Variants in SAMD4A observed in about 807,000 individuals in gnomAD.
SAMD4A encodes the protein sterile alpha motif domain containing 4A.
Under a neutral mutation model 81.3 loss-of-function variants are expected in SAMD4A, and 33 were observed. The observed-to-expected ratio is 0.41, with a 90% confidence interval of 0.31 to 0.54. The LOEUF (loss-of-function observed/expected upper bound fraction) is 0.54. SAMD4A is among the 20% of genes least tolerant of loss of function. The probability of loss-of-function intolerance (pLI) is 0.37; values close to 1 mark genes in which losing one functional copy is unlikely to be tolerated. For missense variants in SAMD4A, 854 were observed against 951.1 expected (o/e 0.90, Z 1.34); for synonymous variants, 389 against 382.1 (o/e 1.02, Z -0.21).
intron 3 of SAMD4A, among the ~76,000 whole-genome samples, chr14:54,725,819 A>G (rs904745751): frequency 6.6e-6 from 1 of 152,246 alleles, no homozygotes. Context: ...GAAGGGCCAC[A>G]TGACTTCCAA....
rs143612740 is a variant in SAMD4A, at chr14:54,682,548, G to C, written c.197-19514G>C. On this transcript the variant is annotated intron_variant, in intron 2 of 12. Transcript: ENST00000554335. ...TCCTGATAACCCTGTTGATAATAAT[G>C]GTTGCTAATCCTTGTCCATACTGTA... Among the ~76,000 whole-genome samples, 229 of 152,218 alleles carry C rather than the reference G, an allele frequency of 1.5e-3. 1 individual carries two copies. Among genetic ancestry groups the C allele is most frequent in the African/African-American group, 5.0e-3 (209 of 41,526 alleles).
chr14:54,615,570 G>A (rs1406437047), intron 2 of SAMD4A, among the ~76,000 whole-genome samples: 1 of 152,152 alleles, frequency 6.6e-6, no homozygotes, highest in Non-Finnish European at 1.5e-5. Context: ...ATTGACATAG[G>A]TCCCTGATCA....
At chr14:54,677,123 C>T (rs2036009960) in intron 2 of SAMD4A, among the ~76,000 whole-genome samples, 1 of 152,138 alleles carries the variant, frequency 6.6e-6, no homozygotes, top group Admixed American at 6.5e-5. Context: ...AGAAGAAAAT[C>T]AGGAAAGGAG....
intron 2 of SAMD4A, among the ~76,000 whole-genome samples, chr14:54,684,617 C>CCCCCCCCCCCG (rs2036210738): frequency 5.4e-4 from 72 of 134,236 alleles, no homozygotes; most frequent in Non-Finnish European, 9.1e-4. Flanking sequence ...CCCCCGCCCC[C>CCCCCCCCCCCG]CCCCCCAACC....
intron 5 of SAMD4A, among the ~76,000 whole-genome samples, 195 bp from the exon 6 acceptor site, chr14:54,751,256 C>G (rs1452415901): frequency 6.6e-6 from 1 of 151,864 alleles, no homozygotes; most frequent in African/African-American, 2.4e-5. Flanking sequence ...GACCCTGTCT[C>G]AAAAAATAAT....
At chr14:54,780,917 C>T (rs1008964507) in intron 11 of SAMD4A, among the ~76,000 whole-genome samples, 4 of 152,070 alleles carry the variant, frequency 2.6e-5, no homozygotes, top group Non-Finnish European at 5.9e-5. Context: ...CTGCCCCACC[C>T]CTCTGTTTCC....
chr14:54,600,430 T>C lies in SAMD4A; in HGVS notation c.196+32318T>C, dbSNP rs569979253. Among the ~76,000 whole-genome samples the C allele has an allele frequency of 3.3e-5, 5 of 152,380 alleles. No homozygotes were observed. The South Asian group carries it at 1.0e-3, about 32-fold the overall frequency. ...TCATTAAGTTCATCCAGTGCTTCCA[T>C]TGACCCAGCTGCTTGGAATTCAGTG... On this transcript the variant is annotated intron_variant, in intron 2 of 12. Transcript: ENST00000554335.
intron 2 of SAMD4A, among the ~76,000 whole-genome samples, chr14:54,579,760 G>A (rs1033868739): frequency 2.0e-5 from 3 of 152,326 alleles, no homozygotes; most frequent in Admixed American, 2.0e-4. Context: ...AATGGGCTGG[G>A]CTTGAGGAGG....
At chr14:54,630,916 G>A (rs201753677) in intron 2 of SAMD4A, among the ~76,000 whole-genome samples, 27,205 of 118,746 alleles carry the variant, frequency 0.23, 2,779 homozygotes, top group East Asian at 0.31. Context: ...ATATGTGTGT[G>A]TGTGTGTGTG....
At chr14:54,763,794 C>T (rs932375493) in intron 7 of SAMD4A, among the ~76,000 whole-genome samples, 5 of 152,156 alleles carry the variant, frequency 3.3e-5, no homozygotes, top group East Asian at 1.9e-4. Context: ...GTAACATGGC[C>T]GTGAGAAACC....
chr14:54,573,762 GC>G (rs926913982), intron 2 of SAMD4A, among the ~76,000 whole-genome samples: 2 of 152,150 alleles, frequency 1.3e-5, no homozygotes, highest in African/African-American at 4.8e-5. Context: ...GCTGCCTGAG[GC>G]AGGATTTTCC....
intron 2 of SAMD4A, among the ~76,000 whole-genome samples, chr14:54,577,879 A>G (rs1482339931): frequency 1.3e-5 from 2 of 152,186 alleles, no homozygotes; most frequent in African/African-American, 2.4e-5. Flanking sequence ...GAAGGGTTAA[A>G]TTCTCCGTCC....
At chr14:54,566,808 A>G (rs1218098447), upstream of SAMD4A, among the ~76,000 whole-genome samples, 1 of 151,958 alleles carries the variant, frequency 6.6e-6, no homozygotes, top group African/African-American at 2.4e-5. Flanking sequence ...GAGCAGGCCC[A>G]GGGAGACCTC....
At chr14:54,671,959 T>C (rs925175233) in intron 2 of SAMD4A, among the ~76,000 whole-genome samples, 1 of 148,466 alleles carries the variant, frequency 6.7e-6, no homozygotes, top group Non-Finnish European at 1.5e-5. Context: ...GATTGGGAGA[T>C]GGGGAGAAGG....
intron 2 of SAMD4A, among the ~76,000 whole-genome samples, chr14:54,640,420 G>A (rs568181336): frequency 2.3e-4 from 35 of 152,274 alleles, no homozygotes; most frequent in Middle Eastern, 3.4e-3. Context: ...ATGCAGAGTC[G>A]CAGAGACATT....
chr14:54,718,772 G>A (rs2037186156), intron 3 of SAMD4A, among the ~76,000 whole-genome samples: 1 of 152,040 alleles, frequency 6.6e-6, no homozygotes, highest in Non-Finnish European at 1.5e-5. Flanking sequence ...GGGAGGCCAA[G>A]GCAGGCAGAT....
At chr14:54,651,629 C>T (rs1302395629) in intron 2 of SAMD4A, among the ~76,000 whole-genome samples, 3 of 152,076 alleles carry the variant, frequency 2.0e-5, no homozygotes, top group Non-Finnish European at 4.4e-5. Flanking sequence ...TTAGAATAAC[C>T]TCTTTTGAAT....
intron 3 of SAMD4A, among the ~76,000 whole-genome samples, chr14:54,720,560 C>T (rs552419072): frequency 6.6e-6 from 1 of 152,190 alleles, no homozygotes; most frequent in South Asian, 2.1e-4. Flanking sequence ...AACCCATTAC[C>T]AGCCTCCTCC....
At chr14:54,757,689 C>T (rs2038283074) in intron 6 of SAMD4A, among the ~76,000 whole-genome samples, 1 of 152,170 alleles carries the variant, frequency 6.6e-6, no homozygotes, top group African/African-American at 2.4e-5. Flanking sequence ...GTGATCACCC[C>T]AGCGTGGCTT....
Sources: allele counts gnomAD v4.1 joint callset (sites outside exome capture counted in the v4.1 genomes callset), GRCh38; gene constraint gnomAD v4.1.1; transcripts MANE v1.5; gene names NCBI Gene and HGNC (gene_info 2026-07-23, HGNC 2026-07-21).